Variants in ABCG2 observed in about 807,000 individuals in gnomAD.
The protein encoded by ABCG2 is ATP binding cassette subfamily G member 2 (JR blood group).
In ABCG2, 80 loss-of-function variants were observed where a neutral mutation model predicts 73.5. The ratio of observed to expected loss-of-function variants is 1.09; its 90% CI spans 0.91 to 1.31. The LOEUF (loss-of-function observed/expected upper bound fraction) is 1.31. Among genes scored for constraint, ABCG2 ranks in the 50% most tolerant of loss-of-function variants. ABCG2 has a pLI of 0.00. For synonymous variants in ABCG2, 269 were observed against 282.4 expected (o/e 0.95, Z 0.48); for missense variants, 796 against 786.2 (o/e 1.01, Z -0.15).
In ABCG2 at chr4:88,121,760, TC is replaced by T. The variant is rs751749396; in HGVS notation, c.563del (p.Gly188GlufsTer9). ...VGTQFIRGVS[G>X]GERKRTSIGM... ...CTATACTAGTCCTTTTTCTTTCTCC[TC>T]CAGACACACCACGGATAAACTGAGT... is the stretch of plus-strand genomic sequence containing the variant. On this transcript the variant is annotated frameshift_variant, in exon 6 of 16. Coordinates refer to ENST00000237612, the MANE Select transcript of ABCG2 (RefSeq NM_004827.3). LOFTEE classifies it high-confidence loss of function. 2 of 1,613,844 alleles carry T rather than the reference TC, an allele frequency of 1.2e-6. No individual in the cohort carries two copies. The highest frequency in any genetic ancestry group is 2.2e-5 in the South Asian group (2 of 90,996).
Position 88,210,184 on chromosome 4 carries a change from T to TAC in ABCG2, c.-20+20808_-20+20809dup, listed in dbSNP as rs36209812. The stretch of plus-strand genomic sequence containing the variant: ...AAGATGTCAGTAATGTAAGTAATCC[T>TAC]ACACACACACACACACACACACACA... On this transcript the variant is annotated intron_variant, in intron 1 of 15. Coordinates refer to the ABCG2 transcript ENST00000515655. Among the ~76,000 whole-genome samples the TAC allele has an allele frequency of 1.7e-3, 248 of 149,586 alleles. 1 individual carries two copies. Among genetic ancestry groups the TAC allele is most frequent in the African/African-American group, 5.7e-3 (230 of 40,606 alleles).
intron 3 of ABCG2, 107 bp from the exon 4 acceptor site, chr4:88,132,024 A>T: frequency 1.5e-6 from 1 of 654,732 alleles, no homozygotes; most frequent in Non-Finnish European, 2.5e-6. Context: ...GGCTACTTTG[A>T]ATCCAAATTC....
rs989925975 is a variant in ABCG2, at chr4:88,164,820, C to T, written c.-19-24806G>A. ...TGAGACAGAGTCTCACTCTGTTGCC[C>T]AGGCTGGAGTGCAGTGGCACAATCT... On this transcript the variant is annotated intron_variant, in intron 1 of 15. Coordinates refer to the ABCG2 transcript ENST00000515655. Among the ~76,000 whole-genome samples, 60 of 152,144 alleles carry T rather than the reference C, an allele frequency of 3.9e-4. 1 individual carries two copies. The highest frequency in any genetic ancestry group is 1.4e-3 in the African/African-American group (59 of 41,416).
At chr4:88,141,774 C>A (rs1439825059) in intron 1 of ABCG2, among the ~76,000 whole-genome samples, 1 of 151,850 alleles carries the variant, frequency 6.6e-6, no homozygotes, top group African/African-American at 2.4e-5. Context: ...GCCAGGCATG[C>A]CAAAAAACAG....
At chr4:88,129,631 C>A (rs959899301) in intron 5 of ABCG2, among the ~76,000 whole-genome samples, 1 of 152,092 alleles carries the variant, frequency 6.6e-6, no homozygotes, top group Non-Finnish European at 1.5e-5. Flanking sequence ...CTCTTCCAAA[C>A]AAAATACAGT....
intron 1 of ABCG2, among the ~76,000 whole-genome samples, chr4:88,173,586 A>G (rs747527378): frequency 1.3e-5 from 2 of 152,208 alleles, no homozygotes; most frequent in Non-Finnish European, 2.9e-5. Flanking sequence ...AGCAAACCCC[A>G]ACACTATTAT....
intron 1 of ABCG2, among the ~76,000 whole-genome samples, chr4:88,179,996 G>C (rs2110099211): frequency 6.6e-6 from 1 of 152,286 alleles, no homozygotes; most frequent in Non-Finnish European, 1.5e-5. Context: ...AGGAGGTAGA[G>C]AGAGGGGGGT....
At chr4:88,139,169 G>C (rs890514653) in intron 2 of ABCG2, among the ~76,000 whole-genome samples, 1 of 151,070 alleles carries the variant, frequency 6.6e-6, no homozygotes, top group East Asian at 1.9e-4. Flanking sequence ...GTGAAGCCTT[G>C]AGCAGACGAG....
chr4:88,163,303 CT>C (rs71594833), upstream of ABCG2, among the ~76,000 whole-genome samples: 15 of 152,108 alleles, frequency 9.9e-5, no homozygotes, highest in Non-Finnish European at 2.1e-4. Flanking sequence ...GTTTAAAACT[CT>C]TCCTAAAGAT....
chr4:88,092,297 A>G lies in ABCG2; in HGVS notation c.1905T>C (p.Cys635=). 6.2e-7 allele frequency: 1 copy of G among 1,613,532 alleles called. No homozygotes were observed. Among genetic ancestry groups the G allele is most frequent in the Admixed American group, 1.7e-5 (1 of 59,972 alleles). Residue 635 remains cysteine, a synonymous_variant, in exon 16 of 16, where the codon TGT becomes TGC. Transcript: ENST00000237612. ...GLWKNHVALA[C]MIVIFLTIAY... is the part of the protein sequence containing the mutation. ...CAATTGTGAGGAAAATAACAATCAT[A>G]CAAGCCAAGGCCACGTGATTCTTCC...
At chr4:88,095,807 C>A (rs552939845) in intron 13 of ABCG2, among the ~76,000 whole-genome samples, 198 bp from the exon 14 acceptor site, 3 of 152,298 alleles carry the variant, frequency 2.0e-5, no homozygotes, top group Non-Finnish European at 4.4e-5. Context: ...TAGCTGAAGT[C>A]ATTTACGGTT....
intron 1 of ABCG2, among the ~76,000 whole-genome samples, chr4:88,200,841 G>C (rs1195660610): frequency 6.6e-6 from 1 of 152,042 alleles, no homozygotes; most frequent in Admixed American, 6.6e-5. Context: ...TGATCTAACA[G>C]ATAACTGGTT....
At chr4:88,208,222 A>C (rs562147832) in intron 1 of ABCG2, among the ~76,000 whole-genome samples, 1 of 152,234 alleles carries the variant, frequency 6.6e-6, no homozygotes, top group Admixed American at 6.5e-5. Context: ...GAAACAATTT[A>C]CATAATTCAG....
chr4:88,163,678 C>T, upstream of ABCG2: 1 of 328,006 alleles, frequency 3.0e-6, no homozygotes. Context: ...CAAGCGCATT[C>T]ATAGAGTGGG....
At chr4:88,201,662 T>C (rs945587784) in intron 1 of ABCG2, 1 of 152,176 alleles carries the variant, frequency 6.6e-6, no homozygotes, top group Non-Finnish European at 1.5e-5. Flanking sequence ...GGGAGGACTA[T>C]TGTGGGCTTC....
intron 1 of ABCG2, among the ~76,000 whole-genome samples, chr4:88,168,141 T>G (rs1241852837): frequency 1.3e-5 from 2 of 152,074 alleles, no homozygotes; most frequent in Non-Finnish European, 2.9e-5. Flanking sequence ...GTTCATGTAA[T>G]TTGCTTTATA....
At chr4:88,202,350 T>TATATATATATATATATATATATATATA (rs1553945697) in intron 1 of ABCG2, among the ~76,000 whole-genome samples, 1 of 35,392 alleles carries the variant, frequency 2.8e-5, no homozygotes, top group African/African-American at 1.5e-4. Context: ...ATCTCTACAA[T>TATATATATATATATATATATATATATA]TATTTATATA....
At chr4:88,094,539 A>G (rs111842796) in intron 15 of ABCG2, 38 bp downstream of exon 15, 6 of 1,541,120 alleles carry the variant, frequency 3.9e-6, no homozygotes, top group Middle Eastern at 1.7e-4. Flanking sequence ...ACACCATGGT[A>G]GTAACAAAAC....
Position 88,113,500 on chromosome 4 carries a change from C to T in ABCG2, c.997G>A (p.Ala333Thr). 6.2e-7 allele frequency: 1 copy of T among 1,614,110 alleles called. No individual in the cohort carries two copies. ...KQDKPLIEKL[A>T]EIYVNSSFYK... ...AAGGAGGAGTTGACATAAATCTCCG[C>T]TAATTTTTCTATGAGTGGCTTATCC... Residue 333 changes from alanine (A) to threonine (T), a missense_variant, in exon 9 of 16, where the codon GCG becomes ACG. Ala to Thr is a moderately conservative substitution (Grantham distance 58). Transcript: ENST00000237612.
Sources: gnomAD v4.1 joint callset for allele counts (sites outside exome capture counted in the v4.1 genomes callset) on GRCh38, gnomAD v4.1.1 for gene constraint, MANE v1.5 for transcripts, NCBI Gene and HGNC (gene_info 2026-07-23, HGNC 2026-07-21) for gene names.